FHOD3: variants seen among roughly 807,000 people sequenced by gnomAD.
The protein encoded by FHOD3 is formin homology 2 domain containing 3, also known as FH1/FH2 domain-containing protein 3.
A neutral mutation model predicts 173.0 loss-of-function variants in FHOD3; 90 were observed. The ratio of observed to expected loss-of-function variants is 0.52; its 90% confidence interval spans 0.44 to 0.62. FHOD3 has a LOEUF of 0.62. Among genes scored for constraint, FHOD3 ranks in the 20% least tolerant of loss-of-function variants. FHOD3 has a pLI of 0.00. For synonymous variants in FHOD3, 828 were observed against 823.0 expected, an observed-to-expected ratio of 1.01 and a Z score of -0.10; for missense variants, 1,945 against 2,034.7, an observed-to-expected ratio of 0.96 and a Z score of 0.85.
intron 3 of FHOD3, among the ~76,000 whole-genome samples, chr18:36,438,237 G>A (rs1003637411): frequency 2.0e-5 from 3 of 152,112 alleles, no homozygotes; most frequent in African/African-American, 7.2e-5. Context: ...TCACGCTGAG[G>A]AGCCAGCAGG....
At chr18:36,450,862 G>A (rs981680603) in intron 3 of FHOD3, among the ~76,000 whole-genome samples, 2 of 152,040 alleles carry the variant, frequency 1.3e-5, no homozygotes, top group Non-Finnish European at 2.9e-5. Context: ...TTTTTCAAAA[G>A]CATGCATTTG....
chr18:36,328,152 G>C (rs1393860138), intron 1 of FHOD3, among the ~76,000 whole-genome samples: 2 of 152,246 alleles, frequency 1.3e-5, no homozygotes, highest in African/African-American at 4.8e-5. Flanking sequence ...CCAGGACAAA[G>C]TTCCTGACCG....
At chr18:36,612,214 C>G in intron 9 of FHOD3, 119 bp downstream of exon 9, 1 of 1,117,380 alleles carries the variant, frequency 8.9e-7, no homozygotes, top group Non-Finnish European at 1.3e-6. Context: ...ATTAGAAACT[C>G]AGCATCGTAG....
intron 1 of FHOD3, among the ~76,000 whole-genome samples, chr18:36,337,985 T>C (rs2045412121): frequency 6.6e-6 from 1 of 152,128 alleles, no homozygotes; most frequent in African/African-American, 2.4e-5. Flanking sequence ...TAGAGGTGTT[T>C]GGTTGAGGGG....
At chr18:36,692,480 C>T (rs534142148) in intron 16 of FHOD3, among the ~76,000 whole-genome samples, 2 of 152,320 alleles carry the variant, frequency 1.3e-5, no homozygotes, top group South Asian at 4.1e-4. Context: ...ATAAAGCGCA[C>T]TATGAGGAAT....
intron 3 of FHOD3, among the ~76,000 whole-genome samples, chr18:36,391,875 C>G (rs556081171): frequency 1.3e-5 from 2 of 152,266 alleles, no homozygotes; most frequent in East Asian, 3.9e-4. Flanking sequence ...GACTCCTACT[C>G]AATTCTTAGG....
chr18:36,519,400 G>A (rs2056157386), intron 5 of FHOD3, among the ~76,000 whole-genome samples: 1 of 152,226 alleles, frequency 6.6e-6, no homozygotes, highest in South Asian at 2.1e-4. Flanking sequence ...GCCAAGGTCA[G>A]TGGGGTGTGG....
intron 3 of FHOD3, among the ~76,000 whole-genome samples, chr18:36,372,991 T>C (rs1026294329): frequency 2.0e-5 from 3 of 152,080 alleles, no homozygotes; most frequent in Non-Finnish European, 4.4e-5. Context: ...TTGGCAGTGC[T>C]GGGGTAGATG....
intron 3 of FHOD3, among the ~76,000 whole-genome samples, chr18:36,411,689 C>T (rs1006914310): frequency 7.9e-5 from 12 of 152,180 alleles, no homozygotes; most frequent in African/African-American, 2.9e-4. Flanking sequence ...GGTTTATCTC[C>T]ACCACCTGGC....
intron 5 of FHOD3, among the ~76,000 whole-genome samples, chr18:36,562,107 C>A (rs1007323070): frequency 6.6e-6 from 1 of 152,100 alleles, no homozygotes; most frequent in Non-Finnish European, 1.5e-5. Flanking sequence ...ACCTCCGCCT[C>A]CCGGATTCAA....
chr18:36,554,949 T>A (rs753513509), intron 5 of FHOD3, among the ~76,000 whole-genome samples: 3 of 152,220 alleles, frequency 2.0e-5, no homozygotes, highest in Non-Finnish European at 4.4e-5. Flanking sequence ...TTGTTTCTTC[T>A]CTTTTTATTA....
intron 7 of FHOD3, among the ~76,000 whole-genome samples, chr18:36,596,321 ATTTTTTTTTTTTTTTTTTTTT>A (rs539907617): frequency 3.5e-5 from 2 of 57,482 alleles, no homozygotes; most frequent in East Asian, 5.5e-4. Flanking sequence ...TGCCCAGCTA[ATTTTTTTTTTTTTTTTTTTTT>A]TTTTTTTTTT....
At chr18:36,759,538 C>G (rs1054579167) in intron 26 of FHOD3, among the ~76,000 whole-genome samples, 2 of 152,246 alleles carry the variant, frequency 1.3e-5, no homozygotes, top group Non-Finnish European at 2.9e-5. Context: ...GGGGCAGTGG[C>G]CAAGGGCCAG....
chr18:36,368,042 T>C (rs2046988968), intron 2 of FHOD3, among the ~76,000 whole-genome samples: 1 of 152,132 alleles, frequency 6.6e-6, no homozygotes, highest in South Asian at 2.1e-4. Context: ...CCTCTTTCCT[T>C]ATAAATTAGC....
At chr18:36,703,488 A>C (rs2039698454) in intron 17 of FHOD3, among the ~76,000 whole-genome samples, 1 of 152,164 alleles carries the variant, frequency 6.6e-6, no homozygotes, top group Admixed American at 6.5e-5. Context: ...TCACATGGGG[A>C]CATCAATCTT....
chr18:36,746,716 G>A (rs2042171687), intron 23 of FHOD3, among the ~76,000 whole-genome samples: 1 of 152,156 alleles, frequency 6.6e-6, no homozygotes, highest in African/African-American at 2.4e-5. Flanking sequence ...GCCAAAAAAG[G>A]TAACACATGT....
chr18:36,758,635 G>A (rs941517190), intron 25 of FHOD3, among the ~76,000 whole-genome samples: 4 of 152,182 alleles, frequency 2.6e-5, no homozygotes, highest in South Asian at 2.1e-4. Flanking sequence ...TCCTGCGCTC[G>A]GGATGGGATG....
chr18:36,627,922 T>A (rs1029076194), intron 10 of FHOD3, among the ~76,000 whole-genome samples: 1 of 152,188 alleles, frequency 6.6e-6, no homozygotes, highest in East Asian at 1.9e-4. Context: ...CTCATGTACA[T>A]ATATGCACAT....
intron 3 of FHOD3, among the ~76,000 whole-genome samples, chr18:36,464,029 A>G (rs893480619): frequency 1.3e-5 from 2 of 152,240 alleles, no homozygotes; most frequent in Non-Finnish European, 2.9e-5. Context: ...TAGAACAAGT[A>G]GTTTTTGCAA....
Sources: gnomAD v4.1 joint callset for allele counts (sites outside exome capture counted in the v4.1 genomes callset) on GRCh38, gnomAD v4.1.1 for gene constraint, MANE v1.5 for transcripts, NCBI Gene and HGNC (gene_info 2026-07-23, HGNC 2026-07-21) for gene names.